The following MTMR8 variants were observed in gnomAD, a reference collection of about 807,000 sequenced individuals.
The protein encoded by MTMR8 is phosphatidylinositol-3,5-bisphosphate 3-phosphatase MTMR8.
MTMR8 carries 65 observed loss-of-function variants against 39.3 expected under a neutral mutation model. The observed-to-expected ratio is 1.65, with a 90% CI of 1.35 to 2.03. MTMR8 has a LOEUF of 2.03. Ranked by LOEUF, MTMR8 falls within the 30% of genes most tolerant of loss-of-function variation. MTMR8 has a pLI of 0.00. For missense variants in MTMR8, 777 were observed against 538.9 expected (o/e 1.44, Z -4.37); for synonymous variants, 245 against 185.2 (o/e 1.32, Z -2.62).
chrX:64,313,096 G>A (rs949685733), intron 12 of MTMR8, among the ~76,000 whole-genome samples: 1 of 112,329 alleles, frequency 8.9e-6, no homozygotes, highest in African/African-American at 3.2e-5. Flanking sequence ...CCTAACAAAA[G>A]TTAGGCTGTC....
At chrX:64,310,809 G>A (rs868356642) in intron 12 of MTMR8, among the ~76,000 whole-genome samples, 8 of 111,263 alleles carry the variant, frequency 7.2e-5, no homozygotes, top group African/African-American at 2.3e-4. Context: ...CTTCATCCAT[G>A]TCCCTGCAAA....
chrX:64,336,495 TAA>T lies in MTMR8; in HGVS notation c.1102-369_1102-368del, dbSNP rs757634283. Reference sequence around the variant, plus strand: ...CAGTAACAAAACCATTTTTAACCATTAAAAAAAAAAAAAAAATTCTAGCCAGG... The same window carrying T: ...CAGTAACAAAACCATTTTTAACCATTAAAAAAAAAAAAAATTCTAGCCAGG... On this transcript the variant is annotated intron_variant, in intron 9 of 13. Transcript: ENST00000374852. Among the ~76,000 whole-genome samples the T allele has an allele frequency of 3.2e-3, 307 of 96,966 alleles. 2 individuals are homozygous for T. Among genetic ancestry groups the T allele is most frequent in the African/African-American group, 0.011 (290 of 26,923 alleles). 84.2% of individuals were successfully genotyped at this position (96,966 alleles called of 115,157 possible). A position where few individuals can be genotyped will look rare whatever the true frequency, so the allele number is the denominator to read the frequency against.
chrX:64,325,048 G>T (rs5964354), intron 12 of MTMR8, among the ~76,000 whole-genome samples: 12,180 of 110,502 alleles, frequency 0.11, 1,628 homozygotes, highest in African/African-American at 0.37. Flanking sequence ...AGAAAACCCA[G>T]ATAACCTATA....
chrX:64,312,937 C>T (rs1922357585), intron 12 of MTMR8, among the ~76,000 whole-genome samples: 1 of 112,456 alleles, frequency 8.9e-6, no homozygotes. Flanking sequence ...GTAAACCATG[C>T]TGTGAGCAGA....
intron 12 of MTMR8, among the ~76,000 whole-genome samples, chrX:64,326,427 G>T (rs1268164277): frequency 1.8e-5 from 2 of 111,447 alleles, no homozygotes; most frequent in Non-Finnish European, 3.8e-5. Context: ...AAGAAATCAA[G>T]AAAACAATCC....
At chrX:64,283,846 A>G (rs1486341328) in intron 12 of MTMR8, among the ~76,000 whole-genome samples, 1 of 112,195 alleles carries the variant, frequency 8.9e-6, no homozygotes, top group African/African-American at 3.2e-5. Flanking sequence ...TCAAAGACCA[A>G]AGGTAGATAA....
rs186973612 is a variant in MTMR8, at chrX:64,304,060, C to T, written c.1481+24712G>A. Among the ~76,000 whole-genome samples, 59 of 112,015 alleles carry T rather than the reference C, an allele frequency of 5.3e-4. 1 individual carries two copies. In the East Asian group the frequency reaches 0.013, roughly 25 times the overall value. On this transcript the variant is annotated intron_variant, in intron 12 of 13. Transcript: ENST00000374852. ...ACAAATTAGCTTTGATAAGGAAAGA[C>T]ATTCATAGCATCAAACATTCATTCA...
intron 1 of MTMR8, among the ~76,000 whole-genome samples, chrX:64,390,209 T>G (rs910246841): frequency 8.9e-6 from 1 of 112,245 alleles, no homozygotes; most frequent in African/African-American, 3.2e-5. Flanking sequence ...TTAACATGAC[T>G]GAACATTTGG....
At chrX:64,340,435 A>C (rs1211030901) in intron 8 of MTMR8, among the ~76,000 whole-genome samples, 3 of 110,946 alleles carry the variant, frequency 2.7e-5, no homozygotes, top group Non-Finnish European at 5.7e-5. Flanking sequence ...AGTAACTAGA[A>C]GGTATAGAGG....
intron 1 of MTMR8, among the ~76,000 whole-genome samples, chrX:64,364,290 G>C (rs184887183): frequency 1.3e-3 from 146 of 112,482 alleles, no homozygotes; most frequent in Non-Finnish European, 2.1e-3. Context: ...ATCTTCAAGT[G>C]GGTTCCTGAC....
intron 12 of MTMR8, among the ~76,000 whole-genome samples, chrX:64,302,360 CG>C (rs950067744): frequency 8.9e-6 from 1 of 112,275 alleles, no homozygotes; most frequent in African/African-American, 3.2e-5. Flanking sequence ...TTCTTTGATT[CG>C]GAAAGGGAAC....
intron 12 of MTMR8, chrX:64,305,760 G>T (rs1279651334): frequency 7.0e-6 from 3 of 428,214 alleles, no homozygotes. Context: ...AACACAAAGA[G>T]CTGAAAGCAT....
intron 1 of MTMR8, among the ~76,000 whole-genome samples, chrX:64,359,868 A>C (rs2147234546): frequency 9.2e-6 from 1 of 109,120 alleles, no homozygotes; most frequent in South Asian, 4.0e-4. Context: ...TGTGTAAAAA[A>C]ATCAGTAAGG....
chrX:64,288,507 C>A (rs993577684), intron 12 of MTMR8, among the ~76,000 whole-genome samples: 2 of 111,663 alleles, frequency 1.8e-5, no homozygotes, highest in South Asian at 3.8e-4. Context: ...ACCCAGCAAT[C>A]CCATTACTGG....
chrX:64,336,001 G>A (rs1452872521), intron 10 of MTMR8, 78 bp downstream of exon 10: 1 of 715,414 alleles, frequency 1.4e-6, no homozygotes, highest in Non-Finnish European at 2.1e-6. Context: ...TCCTTTACAT[G>A]TACATACTGA....
intron 9 of MTMR8, among the ~76,000 whole-genome samples, chrX:64,336,826 G>T (rs1223972732): frequency 9.0e-6 from 1 of 111,502 alleles, no homozygotes; most frequent in Non-Finnish European, 1.9e-5. Flanking sequence ...ACAAAAAAAA[G>T]CTTTCCAAAG....
intron 12 of MTMR8, among the ~76,000 whole-genome samples, chrX:64,302,137 G>T (rs1448571356): frequency 8.9e-6 from 1 of 112,741 alleles, no homozygotes; most frequent in African/African-American, 3.2e-5. Context: ...GAGCAAGCCT[G>T]GGCAATGGCG....
chrX:64,277,117 C>T (rs1173259220), intron 12 of MTMR8, among the ~76,000 whole-genome samples: 1 of 111,564 alleles, frequency 9.0e-6, no homozygotes, highest in Non-Finnish European at 1.9e-5. Flanking sequence ...TCCTCCATCC[C>T]TTTATTTTGA....
chrX:64,318,852 T>C (rs1432846495), intron 12 of MTMR8, among the ~76,000 whole-genome samples: 1 of 110,266 alleles, frequency 9.1e-6, no homozygotes, highest in Non-Finnish European at 1.9e-5. Flanking sequence ...GGGTTATTTT[T>C]GTATTTTTAG....
Sources: allele counts gnomAD v4.1 joint callset (sites outside exome capture counted in the v4.1 genomes callset), GRCh38; gene constraint gnomAD v4.1.1; transcripts MANE v1.5; gene names NCBI Gene and HGNC (gene_info 2026-07-23, HGNC 2026-07-21).